The following PCBD1 variants were observed in gnomAD, a reference collection of about 807,000 sequenced individuals.
PCBD1 encodes pterin-4 alpha-carbinolamine dehydratase 1.
Under a neutral mutation model 12.6 loss-of-function variants are expected in PCBD1, and 16 were observed. The observed-to-expected ratio is 1.27, with a 90% CI of 0.86 to 1.93. The LOEUF is 1.93. PCBD1 is among the 30% of genes most tolerant of loss of function. PCBD1 has a pLI of 0.00. For missense variants in PCBD1, 86 were observed against 130.1 expected (o/e 0.66, Z 1.65); for synonymous variants, 53 against 50.2 (o/e 1.05, Z -0.23).
chr10:70,888,501 C>G (rs1846624812), intron 1 of PCBD1, 30 bp downstream of exon 1: 1 of 1,445,602 alleles, frequency 6.9e-7, no homozygotes, highest in Admixed American at 2.6e-5. Flanking sequence ...CCCCGCTGCC[C>G]CGATCGCGGC....
At chr10:70,886,292 C>T (rs530996627) in intron 1 of PCBD1, among the ~76,000 whole-genome samples, 8 of 152,312 alleles carry the variant, frequency 5.3e-5, no homozygotes, top group South Asian at 2.1e-4. Flanking sequence ...TCAGTGAGGG[C>T]GTAAAAGCAA....
In PCBD1 at chr10:70,885,226, C is replaced by T; in HGVS notation, c.142G>A (p.Gly48Arg). 1 of 1,613,810 alleles carries T rather than the reference C, an allele frequency of 6.2e-7. No homozygotes were observed. Among genetic ancestry groups the T allele is most frequent in the African/African-American group, 1.3e-5 (1 of 75,026 alleles). The change falls in exon 3 of 4, where the codon GGG (glycine) becomes AGG (arginine). Residue 48 changes from glycine to arginine, a missense_variant. Physicochemically the swap from Gly to Arg is moderately radical, Grantham distance 125. Coordinates refer to ENST00000299299, the MANE Select transcript of PCBD1 (RefSeq NM_000281.4). ...TGCAGGGCCACTCTTGTCATGAACC[C>T]AAAGGCCTATTTAAGTGGAGTGAGA... ...FHFKDFNRAF[G>R]FMTRVALQAE...
intron 1 of PCBD1, among the ~76,000 whole-genome samples, chr10:70,887,328 C>T (rs569921149): frequency 6.6e-6 from 1 of 152,252 alleles, no homozygotes; most frequent in South Asian, 2.1e-4. Flanking sequence ...CTGCTGTTTT[C>T]CCTCCTGAAA....
rs2075389893 is a variant in PCBD1, at chr10:70,885,859, C to T, written c.74G>A (p.Trp25Ter). 2 of 1,613,986 alleles carry T rather than the reference C, an allele frequency of 1.2e-6. No homozygotes were observed. The highest frequency in any genetic ancestry group is 1.7e-5 in the Admixed American group (1 of 60,000). ...GGCATCACGGCCTTCCAGCTCATTC[C>T]ACCCCACAGCCCTCAGGTTTGGCAG... Reference protein sequence around the residue: ...QLLPNLRAVGWNELEGRDAIF... With the variant: ...QLLPNLRAVG The change falls in exon 2 of 4, where the codon TGG becomes TAG. Residue 25 changes from tryptophan to a stop codon, truncating the protein, a stop_gained. Coordinates refer to ENST00000299299, the MANE Select transcript of PCBD1 (RefSeq NM_000281.4). LOFTEE classifies it high-confidence loss of function.
chr10:70,886,060 C>A, intron 1 of PCBD1, 131 bp from the exon 2 acceptor site: 1 of 1,256,096 alleles, frequency 8.0e-7, no homozygotes, highest in Non-Finnish European at 1.1e-6. Flanking sequence ...GGCAGCAGGT[C>A]TTTGAGCAAT....
intron 1 of PCBD1, 51 bp from the exon 2 acceptor site, chr10:70,885,980 A>T: frequency 1.2e-6 from 2 of 1,604,174 alleles, no homozygotes; most frequent in Non-Finnish European, 1.7e-6. Context: ...TTTATAGGTC[A>T]AAACAGAGGG....
chr10:70,884,130 CT>C, intron 3 of PCBD1, 82 bp from the exon 4 acceptor site: 7 of 1,436,592 alleles, frequency 4.9e-6, no homozygotes, highest in African/African-American at 1.4e-5. Context: ...CTCAGCCCTG[CT>C]AGGAGCTCCA....
At chr10:70,887,076 G>A (rs1431856593) in intron 1 of PCBD1, among the ~76,000 whole-genome samples, 2 of 152,178 alleles carry the variant, frequency 1.3e-5, no homozygotes, top group African/African-American at 4.8e-5. Context: ...ATTGGCAGGA[G>A]TTTTGAGACC....
intron 1 of PCBD1, 80 bp from the exon 2 acceptor site, chr10:70,886,009 A>C: frequency 6.4e-7 from 1 of 1,562,160 alleles, no homozygotes. Flanking sequence ...CTTTAGGGGA[A>C]CTTAGCTTCC....
chr10:70,885,379 T>C, intron 2 of PCBD1, 147 bp from the exon 3 acceptor site: 1 of 714,892 alleles, frequency 1.4e-6, no homozygotes, highest in East Asian at 2.7e-5. Flanking sequence ...ATCCTGTCAC[T>C]GGTTCTCAGG....
chr10:70,883,546 C>CACAT lies in PCBD1; in HGVS notation c.*400_*403dup. The CACAT allele has an allele frequency of 9.0e-7, 1 of 1,105,716 alleles. No homozygotes were observed. Among genetic ancestry groups the CACAT allele is most frequent in the Non-Finnish European group, 1.1e-6 (1 of 899,856 alleles). The allele number at this position is 1,105,716 out of a possible 1,614,324, so 68.5% of individuals were successfully genotyped here. Reference sequence around the variant, plus strand: ...AATAGTTTTATTTGAGACATAAAAACACATGTGTTTCTATTACATAGTGTG... The same window carrying CACAT: ...AATAGTTTTATTTGAGACATAAAAACACATACATGTGTTTCTATTACATAGTGTG... On this transcript the variant is annotated 3_prime_UTR_variant, in exon 4 of 4. Transcript: ENST00000299299.
At chr10:70,882,354 A>C (rs762073867), downstream of PCBD1, 2 of 152,194 alleles carry the variant, frequency 1.3e-5, no homozygotes, top group Admixed American at 6.5e-5. Context: ...AATACACACA[A>C]AGAGATTTCT....
At chr10:70,884,613 C>T (rs1361816195) in intron 3 of PCBD1, among the ~76,000 whole-genome samples, 1 of 151,540 alleles carries the variant, frequency 6.6e-6, no homozygotes, top group East Asian at 2.0e-4. Context: ...TCCCCAGTAG[C>T]TGGGACTACA....
rs114265283 is a variant in PCBD1 at position 70,885,876 on chromosome 10, G to A, written c.57C>T (p.Asn19=). ...GCTCATTCCACCCCACAGCCCTCAGGTTTGGCAGCAGCTGGTCCCTCTCCT... is the reference window on the plus strand; with the variant it reads ...GCTCATTCCACCCCACAGCCCTCAGATTTGGCAGCAGCTGGTCCCTCTCCT... ...SAEERDQLLP[N]LRAVGWNELE... Residue 19 remains asparagine (N), a synonymous_variant, in exon 2 of 4, where the codon AAC becomes AAT. Transcript: ENST00000299299. 6.6e-5 allele frequency: 107 copies of A among 1,614,058 alleles called. No homozygotes were observed. In the African/African-American group the frequency reaches 8.7e-4, roughly 13 times the overall value.
intron 2 of PCBD1, 23 bp from the exon 3 acceptor site, chr10:70,885,255 AG>A: frequency 6.3e-7 from 1 of 1,594,976 alleles, no homozygotes; most frequent in Non-Finnish European, 8.6e-7. Context: ...AGTGAGAGCC[AG>A]GTTAGTGTTC....
intron 1 of PCBD1, among the ~76,000 whole-genome samples, chr10:70,886,502 A>G (rs1846586728): frequency 6.6e-6 from 1 of 152,216 alleles, no homozygotes; most frequent in East Asian, 1.9e-4. Flanking sequence ...ACCCCTAGCC[A>G]GTGATGGCGC....
At chr10:70,885,046 T>G in intron 3 of PCBD1, 106 bp downstream of exon 3, 1 of 876,038 alleles carries the variant, frequency 1.1e-6, no homozygotes, top group Non-Finnish European at 2.0e-6. Context: ...GGATGACCTA[T>G]GGGTCAGGAA....
At chr10:70,887,631 C>T (rs968879366) in intron 1 of PCBD1, among the ~76,000 whole-genome samples, 12 of 152,146 alleles carry the variant, frequency 7.9e-5, no homozygotes, top group Admixed American at 5.9e-4. Context: ...CTGGAACCCC[C>T]CAGGTCGCAC....
rs368664467 is a variant in PCBD1 at position 70,884,015 on chromosome 10, C to T, written c.250G>A (p.Gly84Ser). The change falls in exon 4 of 4, where the codon GGC becomes AGC. Residue 84 changes from glycine (G) to serine (S), a missense_variant. Coordinates refer to ENST00000299299, the MANE Select transcript of PCBD1 (RefSeq NM_000281.4). ...AGGTTTATGTCCCGTTCTGAAAGGC[C>T]GGCACACTCATGGGTGCTCAGCGTG... is the stretch of plus-strand genomic sequence containing the variant. ...HITLSTHECA[G>S]LSERDINLAS... is the part of the protein sequence containing the mutation. 22 of 1,613,936 alleles carry T rather than the reference C, an allele frequency of 1.4e-5. No homozygotes were observed. The highest frequency in any genetic ancestry group is 1.6e-4 in the Middle Eastern group (1 of 6,084).
Sources: allele counts gnomAD v4.1 joint callset (sites outside exome capture counted in the v4.1 genomes callset), GRCh38; gene constraint gnomAD v4.1.1; transcripts MANE v1.5; gene names NCBI Gene and HGNC (gene_info 2026-07-23, HGNC 2026-07-21).